VIT: variants seen among roughly 807,000 people sequenced by gnomAD.
VIT encodes vitrin.
Under a neutral mutation model 78.0 loss-of-function variants are expected in VIT, and 99 were observed. That is an observed-to-expected ratio of 1.27 (90% CI 1.08 to 1.50). The LOEUF is 1.50. Among genes scored for constraint, VIT ranks in the 40% most tolerant of loss-of-function variants. The pLI is 0.00. For synonymous variants in VIT, 374 were observed against 334.3 expected (o/e 1.12, Z -1.29); for missense variants, 1,126 against 875.3 (o/e 1.29, Z -3.61).
At chr2:36,729,557 T>C (rs1230289967) in intron 3 of VIT, 66 bp downstream of exon 3, 5 of 1,507,438 alleles carry the variant, frequency 3.3e-6, no homozygotes, top group Non-Finnish European at 4.5e-6. Context: ...GTTATTATAC[T>C]TGTTTTAGGT....
At chr2:36,795,020 G>A (rs971648343) in intron 12 of VIT, among the ~76,000 whole-genome samples, 2 of 152,124 alleles carry the variant, frequency 1.3e-5, no homozygotes, top group Non-Finnish European at 2.9e-5. Flanking sequence ...ACCGAGAGAG[G>A]AGAGGATGTT....
chr2:36,770,616 T>G (rs1018992012), intron 7 of VIT, among the ~76,000 whole-genome samples: 1 of 152,014 alleles, frequency 6.6e-6, no homozygotes, highest in African/African-American at 2.4e-5. Flanking sequence ...CTGTTCTTCA[T>G]GGGAAAGGCC....
intron 15 of VIT, among the ~76,000 whole-genome samples, chr2:36,809,578 C>T (rs1484720797): frequency 4.6e-5 from 7 of 152,058 alleles, no homozygotes; most frequent in Admixed American, 2.0e-4. Context: ...CCACCACACC[C>T]GGCTAATTTT....
At chr2:36,776,825 T>C (rs57279791) in intron 9 of VIT, among the ~76,000 whole-genome samples, 12,170 of 150,240 alleles carry the variant, frequency 0.081, 623 homozygotes, top group East Asian at 0.22. Context: ...GCGCGGTGGC[T>C]CACACCTGTA....
rs1668480809 is a variant in VIT at position 36,751,796 on chromosome 2, G to A, written c.276-3125G>A. On this transcript the variant is annotated intron_variant, in intron 4 of 15. Transcript: ENST00000379242. ...AGTGCCACTGTGACTTCCCAGACTAGTGACTGATATAGTGGAAAATCTATT... is the reference window on the plus strand; with the variant it reads ...AGTGCCACTGTGACTTCCCAGACTAATGACTGATATAGTGGAAAATCTATT... Among the ~76,000 whole-genome samples the A allele has an allele frequency of 2.0e-5, 3 of 152,172 alleles. No homozygotes were observed. In the South Asian group the frequency reaches 6.2e-4, roughly 31 times the overall value.
chr2:36,804,280 G>T (rs1338968774), intron 13 of VIT, among the ~76,000 whole-genome samples: 1 of 152,250 alleles, frequency 6.6e-6, no homozygotes, highest in Non-Finnish European at 1.5e-5. Flanking sequence ...CAGTCTGTCA[G>T]TTCCCAGTGG....
chr2:36,708,115 C>T lies in VIT; in HGVS notation c.-18-8238C>T, dbSNP rs969943969. Among the ~76,000 whole-genome samples the T allele has an allele frequency of 3.3e-5, 5 of 149,510 alleles. No homozygotes were observed. In the East Asian group the frequency reaches 5.9e-4, roughly 18 times the overall value. On this transcript the variant is annotated intron_variant, in intron 1 of 15. Transcript: ENST00000379242. ...CCACCACATTGTAAAGGACCTCCCC[C>T]CCCCGCCCACCTAGTGCCAGCTTCC...
chr2:36,802,400 G>A (rs1174318372), intron 13 of VIT, among the ~76,000 whole-genome samples: 1 of 152,204 alleles, frequency 6.6e-6, no homozygotes. Flanking sequence ...TTGGCTTAGA[G>A]TACATGCAGG....
intron 2 of VIT, among the ~76,000 whole-genome samples, chr2:36,723,947 G>GAAAGA (rs750762402): frequency 1.2e-4 from 11 of 88,196 alleles, no homozygotes; most frequent in Admixed American, 2.9e-4. Flanking sequence ...GAAAAGAAAA[G>GAAAGA]AAAGAAAAGA....
intron 12 of VIT, among the ~76,000 whole-genome samples, chr2:36,797,947 G>A (rs749166524): frequency 2.0e-5 from 3 of 152,172 alleles, no homozygotes; most frequent in African/African-American, 7.2e-5. Context: ...AGGGAGATGG[G>A]TCGCTGAGCT....
intron 2 of VIT, among the ~76,000 whole-genome samples, chr2:36,722,448 ATG>A (rs1666574166): frequency 2.0e-5 from 3 of 152,240 alleles, no homozygotes; most frequent in Admixed American, 6.5e-5. Context: ...TTTATGATTT[ATG>A]TGATTGTAGA....
At chr2:36,721,470 C>T (rs1294205126) in intron 2 of VIT, among the ~76,000 whole-genome samples, 2 of 152,068 alleles carry the variant, frequency 1.3e-5, no homozygotes, top group Admixed American at 1.3e-4. Flanking sequence ...GATGGCTTCC[C>T]TGCCCCAAAT....
intron 12 of VIT, among the ~76,000 whole-genome samples, chr2:36,795,726 C>G (rs527935177): frequency 1.3e-5 from 2 of 152,250 alleles, no homozygotes; most frequent in South Asian, 2.1e-4. Context: ...TGTTTCAACT[C>G]TCTTCAAGTG....
chr2:36,768,845 G>T (rs1219973219), intron 7 of VIT, among the ~76,000 whole-genome samples: 1 of 152,018 alleles, frequency 6.6e-6, no homozygotes, highest in African/African-American at 2.4e-5. Context: ...TCATTTACCA[G>T]GTATACTGCA....
At chr2:36,746,877 TC>T (rs1183989972) in intron 4 of VIT, among the ~76,000 whole-genome samples, 2 of 152,160 alleles carry the variant, frequency 1.3e-5, no homozygotes, top group Non-Finnish European at 2.9e-5. Flanking sequence ...TTATATTTCC[TC>T]TAAGGTGTGA....
chr2:36,738,081 G>C (rs1667616389), intron 3 of VIT, among the ~76,000 whole-genome samples: 1 of 152,150 alleles, frequency 6.6e-6, no homozygotes, highest in Non-Finnish European at 1.5e-5. Context: ...TAAATGCACA[G>C]ATGCATGCAT....
At chr2:36,772,143 A>G (rs1232043479) in intron 7 of VIT, among the ~76,000 whole-genome samples, 2 of 152,140 alleles carry the variant, frequency 1.3e-5, no homozygotes, top group Admixed American at 1.3e-4. Context: ...GTGGTGGCTC[A>G]TGCCTCCCTA....
At chr2:36,736,396 T>C (rs1572443506) in intron 3 of VIT, among the ~76,000 whole-genome samples, 2 of 152,376 alleles carry the variant, frequency 1.3e-5, no homozygotes, top group East Asian at 3.9e-4. Context: ...AAACACATCA[T>C]ATATTTTCAC....
At chr2:36,752,891 T>C (rs564892143) in intron 4 of VIT, among the ~76,000 whole-genome samples, 26 of 152,344 alleles carry the variant, frequency 1.7e-4, no homozygotes, top group African/African-American at 6.0e-4. Context: ...CATTCTATTA[T>C]AAAGATACAT....
Sources: allele counts gnomAD v4.1 joint callset (sites outside exome capture counted in the v4.1 genomes callset), GRCh38; gene constraint gnomAD v4.1.1; transcripts MANE v1.5; gene names NCBI Gene and HGNC (gene_info 2026-07-23, HGNC 2026-07-21).